The following THEMIS variants were observed in gnomAD, a reference collection of about 807,000 sequenced individuals.
THEMIS encodes the protein thymocyte selection associated.
In THEMIS, 37 loss-of-function variants were observed where a neutral mutation model predicts 52.6. That is an observed-to-expected ratio of 0.70 (90% CI 0.54 to 0.93). The LOEUF (loss-of-function observed/expected upper bound fraction) is 0.93. Ranked by LOEUF, THEMIS falls within the 40% of genes least tolerant of loss-of-function variation. The probability of loss-of-function intolerance (pLI) is 0.00; values close to 1 mark genes in which losing one functional copy is unlikely to be tolerated. For missense variants in THEMIS, 808 were observed against 763.1 expected, an observed-to-expected ratio of 1.06 and a Z score of -0.69; for synonymous variants, 292 against 272.7, an observed-to-expected ratio of 1.07 and a Z score of -0.70.
chr6:127,910,284 A>G (rs1172305931), intron 1 of THEMIS, among the ~76,000 whole-genome samples: 4 of 152,138 alleles, frequency 2.6e-5, no homozygotes, highest in Admixed American at 6.6e-5. Flanking sequence ...CTCTGAGAGC[A>G]TTGCAACAAG....
upstream of THEMIS, among the ~76,000 whole-genome samples, chr6:127,902,129 A>G (rs983291212): frequency 6.6e-6 from 1 of 151,802 alleles, no homozygotes; most frequent in Non-Finnish European, 1.5e-5. Flanking sequence ...ATTCAAAACC[A>G]GCCTGGGCAA....
chr6:127,790,972 C>T (rs1190493280), intron 4 of THEMIS, among the ~76,000 whole-genome samples: 1 of 152,204 alleles, frequency 6.6e-6, no homozygotes. Context: ...CCAAAAAGGG[C>T]ATCACAGCCC....
At chr6:127,900,656 A>G (rs1317742816) in intron 1 of THEMIS, among the ~76,000 whole-genome samples, 186 bp downstream of exon 1, 2 of 152,042 alleles carry the variant, frequency 1.3e-5, no homozygotes, top group Non-Finnish European at 1.5e-5. Flanking sequence ...AGTCCTGTCT[A>G]GTTTCTCCCC....
At chr6:127,697,548 A>G in the THEMIS span, among the ~76,000 whole-genome samples, 6 of 152,292 alleles carry the variant, frequency 3.9e-5, no homozygotes, top group South Asian at 1.2e-3. Context: ...TGTTACCTCC[A>G]AAGCTCCCTA....
chr6:127,844,318 T>A (rs764133591), intron 2 of THEMIS, among the ~76,000 whole-genome samples: 1 of 151,948 alleles, frequency 6.6e-6, no homozygotes, highest in Non-Finnish European at 1.5e-5. Context: ...CAATGTCTGG[T>A]ACATCTTTGG....
chr6:127,725,185 G>T (rs1282959983), intron 4 of THEMIS, among the ~76,000 whole-genome samples: 6 of 152,026 alleles, frequency 3.9e-5, no homozygotes, highest in Non-Finnish European at 7.4e-5. Flanking sequence ...TCCACTGCCT[G>T]TACTTTTTCA....
chr6:127,789,571 A>C (rs2114518041), intron 4 of THEMIS, among the ~76,000 whole-genome samples: 1 of 152,308 alleles, frequency 6.6e-6, no homozygotes, highest in South Asian at 2.1e-4. Context: ...AAAAACAACA[A>C]AAAAAGAAAA....
intron 1 of THEMIS, among the ~76,000 whole-genome samples, chr6:127,892,899 TTGAA>T (rs1780853685): frequency 6.6e-6 from 1 of 152,162 alleles, no homozygotes; most frequent in Non-Finnish European, 1.5e-5. Context: ...GATAGTAGAT[TTGAA>T]TTTTTTAATA....
chr6:127,786,947 A>G (rs141457357), intron 4 of THEMIS, among the ~76,000 whole-genome samples: 1 of 152,258 alleles, frequency 6.6e-6, no homozygotes, highest in East Asian at 1.9e-4. Context: ...CAACTTTGCA[A>G]CCACCAAAGA....
At chr6:127,697,581 CTTACTTTTT>C in the THEMIS span, among the ~76,000 whole-genome samples, 1 of 152,174 alleles carries the variant, frequency 6.6e-6, no homozygotes, top group Non-Finnish European at 1.5e-5. Context: ...CTCTACTTTT[CTTACTTTTT>C]TCCCTAGCTA....
In THEMIS at chr6:127,885,525, G is replaced by A. The variant is rs1029991312; in HGVS notation, c.91+15317C>T. Among the ~76,000 whole-genome samples, 78 of 151,784 alleles carry A rather than the reference G, an allele frequency of 5.1e-4. 1 individual carries two copies. The highest frequency in any genetic ancestry group is 1.9e-3 in the African/African-American group (77 of 41,398). On this transcript the variant is annotated intron_variant, in intron 1 of 5. Transcript: ENST00000368248. The stretch of plus-strand genomic sequence containing the variant: ...AGTCTTTGGAATTTTTAAGGGTAAA[G>A]GTCATACTTCATTCATTTTCTAGAA...
intron 3 of THEMIS, among the ~76,000 whole-genome samples, chr6:127,815,972 C>T (rs1472457584): frequency 6.6e-6 from 1 of 152,280 alleles, no homozygotes; most frequent in East Asian, 1.9e-4. Context: ...TTTATTGCTG[C>T]TGGAGAAACC....
the THEMIS span, among the ~76,000 whole-genome samples, chr6:127,702,191 T>A: frequency 6.6e-6 from 1 of 152,176 alleles, no homozygotes; most frequent in Non-Finnish European, 1.5e-5. Flanking sequence ...GGAGAGCTTT[T>A]TCCCTTGTCA....
At chr6:127,761,619 T>C (rs2114389738) in intron 4 of THEMIS, among the ~76,000 whole-genome samples, 1 of 152,268 alleles carries the variant, frequency 6.6e-6, no homozygotes, top group South Asian at 2.1e-4. Context: ...CAGGACCTGA[T>C]GAAACCCTTC....
At chr6:127,829,013 G>A (rs1465683003) in intron 3 of THEMIS, among the ~76,000 whole-genome samples, 1 of 152,174 alleles carries the variant, frequency 6.6e-6, no homozygotes, top group East Asian at 1.9e-4. Flanking sequence ...GAGATTTACA[G>A]CCAATAATGG....
intron 1 of THEMIS, among the ~76,000 whole-genome samples, chr6:127,893,755 T>G (rs1357545432): frequency 6.6e-6 from 1 of 152,002 alleles, no homozygotes; most frequent in East Asian, 1.9e-4. Context: ...TCCCCCAAAA[T>G]TTGTCACAGA....
intron 2 of THEMIS, among the ~76,000 whole-genome samples, chr6:127,848,513 A>G (rs1302320608): frequency 6.6e-6 from 1 of 151,968 alleles, no homozygotes; most frequent in African/African-American, 2.4e-5. Context: ...GTCTTCCACA[A>G]TGGTTGAACT....
chr6:127,813,500 A>G lies in THEMIS; in HGVS notation c.1141T>C (p.Ser381Pro). ...AACTGGTCCCCAACAGATACGGATG[A>G]CAGCTTGTCATGAGGGGAATGAAAC... The part of the protein sequence containing the change: ...KAFHSPHDKL[S>P]SVSVGDQFLV... The change falls in exon 4 of 6, where the codon TCA becomes CCA. Residue 381 changes from serine to proline, a missense_variant. By Grantham distance (74) the Ser-to-Pro change is moderately conservative. Coordinates refer to ENST00000368248, the MANE Select transcript of THEMIS (RefSeq NM_001010923.3). The G allele has an allele frequency of 1.2e-6, 2 of 1,613,992 alleles. No individual in the cohort carries two copies. The highest frequency in any genetic ancestry group is 2.2e-5 in the South Asian group (2 of 91,056).
At chr6:127,742,280 A>T (rs1315922710) in intron 4 of THEMIS, among the ~76,000 whole-genome samples, 1 of 149,882 alleles carries the variant, frequency 6.7e-6, no homozygotes, top group Non-Finnish European at 1.5e-5. Context: ...ATGCCACTGC[A>T]CTCCAGCCTG....
Sources: gnomAD v4.1 joint callset for allele counts (sites outside exome capture counted in the v4.1 genomes callset) on GRCh38, gnomAD v4.1.1 for gene constraint, MANE v1.5 for transcripts, NCBI Gene and HGNC (gene_info 2026-07-23, HGNC 2026-07-21) for gene names.